Variants in ZNF423 observed in about 807,000 individuals in gnomAD.
ZNF423 encodes the protein zinc finger protein 423.
ZNF423 carries 12 observed loss-of-function variants against 95.8 expected under a neutral mutation model. The ratio of observed to expected loss-of-function variants is 0.13; its 90% confidence interval spans 0.08 to 0.20. The LOEUF (loss-of-function observed/expected upper bound fraction) is 0.20. Ranked by LOEUF, ZNF423 falls within the 10% of genes least tolerant of loss-of-function variation. The probability of loss-of-function intolerance (pLI) is 1.00; values close to 1 mark genes in which losing one functional copy is unlikely to be tolerated. For missense variants in ZNF423, 1,316 were observed against 1,737.1 expected, an observed-to-expected ratio of 0.76 and a Z score of 4.31; for synonymous variants, 749 against 711.9, an observed-to-expected ratio of 1.05 and a Z score of -0.83.
chr16:49,635,709 G>A lies in ZNF423; in HGVS notation c.3467C>T (p.Pro1156Leu), dbSNP rs756742718. The A allele has an allele frequency of 6.6e-5, 106 of 1,604,970 alleles. 3 individuals are homozygous for A. The Middle Eastern group carries it at 2.0e-3, about 30-fold the overall frequency. Residue 1156 changes from proline (P) to leucine (L), a missense_variant, in exon 4 of 8, where the codon CCG becomes CTG. By Grantham distance (98) the Pro-to-Leu change is moderately conservative (BLOSUM62 -3). This residue lies in a region of ZNF423 where 620 missense variants were observed against 775.6 expected (regional missense o/e 0.80). Coordinates refer to ENST00000563137, the MANE Select transcript of ZNF423 (RefSeq NM_001379286.1). The surrounding 1 kb of genome is among the most constrained non-coding windows in gnomAD (Gnocchi z 4.8). ...HMQVDHRDLT[P>L]ETSGPRKGTQ... Reference sequence around the variant, plus strand: ...GCCTTTCCGGGGCCCACTGGTCTCCGGCGTGAGGTCACGGTGGTCCACCTG... The same window carrying A: ...GCCTTTCCGGGGCCCACTGGTCTCCAGCGTGAGGTCACGGTGGTCCACCTG...
At chr16:49,725,154 A>G (rs1291978503) in intron 3 of ZNF423, among the ~76,000 whole-genome samples, 1 of 152,210 alleles carries the variant, frequency 6.6e-6, no homozygotes, top group African/African-American at 2.4e-5. Context: ...AGGCCCAGGC[A>G]GGAGGATTGC....
chr16:49,709,294 G>A lies in ZNF423; in HGVS notation c.301+21477C>T, dbSNP rs189841333. On this transcript the variant is annotated intron_variant, in intron 3 of 7. Coordinates refer to ENST00000563137, the MANE Select transcript of ZNF423 (RefSeq NM_001379286.1). ...CCCAACCATCCCTCGAGGTCAGGAC[G>A]CTGCTGTTCTCAGCAGGTGCCACCC... Among the ~76,000 whole-genome samples the A allele has an allele frequency of 4.0e-5, 6 of 151,828 alleles. No homozygotes were observed. The East Asian group carries it at 9.7e-4, about 25-fold the overall frequency.
chr16:49,586,987 G>T (rs915426082), intron 5 of ZNF423, among the ~76,000 whole-genome samples: 2 of 152,130 alleles, frequency 1.3e-5, no homozygotes, highest in Admixed American at 1.3e-4. Flanking sequence ...ACAATGTCTC[G>T]TTGGTTTTGA....
chr16:49,593,041 T>C (rs1398403073), intron 5 of ZNF423, among the ~76,000 whole-genome samples: 1 of 152,102 alleles, frequency 6.6e-6, no homozygotes, highest in Non-Finnish European at 1.5e-5. Flanking sequence ...CTGATCAAGA[T>C]GGATTTGGAG....
intron 5 of ZNF423, among the ~76,000 whole-genome samples, chr16:49,622,674 AGG>A: frequency 6.6e-6 from 1 of 152,180 alleles, no homozygotes; most frequent in Non-Finnish European, 1.5e-5. Context: ...AGGCCCTGGC[AGG>A]GGCTCCAAAC....
At chr16:49,618,519 C>G (rs970344558) in intron 5 of ZNF423, among the ~76,000 whole-genome samples, 1 of 152,130 alleles carries the variant, frequency 6.6e-6, no homozygotes, top group African/African-American at 2.4e-5. Context: ...AGGTGCTCTT[C>G]CCCCTTTGCT....
intron 3 of ZNF423, among the ~76,000 whole-genome samples, chr16:49,677,250 A>AGAGAAGAGAAGAGAAGAGAAGAGAG (rs2031104524): frequency 6.5e-5 from 2 of 30,928 alleles, no homozygotes; most frequent in African/African-American, 2.3e-4. Flanking sequence ...AGAGAAGATA[A>AGAGAAGAGAAGAGAAGAGAAGAGAG]GAGAAGAGAA....
At chr16:49,766,389 C>T (rs1356283438) in intron 2 of ZNF423, among the ~76,000 whole-genome samples, 1 of 152,222 alleles carries the variant, frequency 6.6e-6, no homozygotes, top group Admixed American at 6.5e-5. Flanking sequence ...CCCAACATCA[C>T]TCCCAGGAAA....
At chr16:49,804,389 A>G (rs2034629851) in intron 1 of ZNF423, among the ~76,000 whole-genome samples, 1 of 152,196 alleles carries the variant, frequency 6.6e-6, no homozygotes, top group Non-Finnish European at 1.5e-5. Context: ...GCTCAAAAGT[A>G]AAGTTCAGAA....
intron 5 of ZNF423, among the ~76,000 whole-genome samples, chr16:49,607,376 T>C (rs1971573722): frequency 6.6e-6 from 1 of 152,236 alleles, no homozygotes; most frequent in African/African-American, 2.4e-5. Flanking sequence ...TAAGGATTCA[T>C]GTTATCAGTA....
At chr16:49,501,173 G>A (rs1003965559) in intron 7 of ZNF423, among the ~76,000 whole-genome samples, 1 of 152,196 alleles carries the variant, frequency 6.6e-6, no homozygotes, top group Admixed American at 6.5e-5. Flanking sequence ...CAAGATTAGA[G>A]TGTGGGTGCT....
chr16:49,621,406 C>T (rs539309083), intron 5 of ZNF423, among the ~76,000 whole-genome samples: 4 of 152,304 alleles, frequency 2.6e-5, no homozygotes, highest in African/African-American at 9.6e-5. Context: ...GAGAGGGGTG[C>T]TGGGAAAATG....
intron 5 of ZNF423, among the ~76,000 whole-genome samples, chr16:49,599,073 C>T (rs1056847892): frequency 4.6e-5 from 7 of 152,218 alleles, no homozygotes; most frequent in Admixed American, 3.3e-4. Flanking sequence ...AAATCCCTCC[C>T]TAACTGTACA....
At chr16:49,633,594 G>A (rs562913558) in intron 4 of ZNF423, among the ~76,000 whole-genome samples, 30 of 152,274 alleles carry the variant, frequency 2.0e-4, no homozygotes, top group African/African-American at 5.8e-4. Flanking sequence ...TCAAATTACC[G>A]CTGGGTCCTG....
intron 2 of ZNF423, chr16:49,731,216 G>C: frequency 1.5e-6 from 1 of 659,670 alleles, no homozygotes; most frequent in Non-Finnish European, 1.9e-6. Context: ...TCTCCCCTCT[G>C]TGCACGGATG....
chr16:49,788,555 C>T (rs1163320638), intron 2 of ZNF423, among the ~76,000 whole-genome samples: 1 of 152,242 alleles, frequency 6.6e-6, no homozygotes, highest in Non-Finnish European at 1.5e-5. Context: ...TCTCTTCCTG[C>T]TTCAGTTTCC....
intron 3 of ZNF423, among the ~76,000 whole-genome samples, chr16:49,695,702 C>G (rs971110291): frequency 3.3e-5 from 5 of 152,270 alleles, no homozygotes; most frequent in Non-Finnish European, 5.9e-5. Context: ...GCCAGGATTA[C>G]AGGCGTGAGC....
At chr16:49,602,596 T>C (rs1041765342) in intron 5 of ZNF423, among the ~76,000 whole-genome samples, 26 of 152,166 alleles carry the variant, frequency 1.7e-4, no homozygotes, top group Non-Finnish European at 2.6e-4. Context: ...AAGTGCCTTC[T>C]GCCCAGGAAA....
In ZNF423 at chr16:49,799,180, G is replaced by A. The variant is rs940370619; in HGVS notation, c.41-9634C>T. Among the ~76,000 whole-genome samples the A allele has an allele frequency of 5.3e-5, 8 of 152,304 alleles. No homozygotes were observed. The South Asian group carries it at 8.3e-4, about 16-fold the overall frequency. The stretch of plus-strand genomic sequence containing the variant: ...TGATCTTCTGTCTCTGTAAAATGGG[G>A]ATAATCAGAATACCAACCTCGCAGG... On this transcript the variant is annotated intron_variant, in intron 1 of 7. Coordinates refer to ENST00000563137, the MANE Select transcript of ZNF423 (RefSeq NM_001379286.1).
Sources: allele counts gnomAD v4.1 joint callset (sites outside exome capture counted in the v4.1 genomes callset), GRCh38; gene constraint gnomAD v4.1.1; regional missense constraint gnomAD v4.1.1; non-coding constraint Gnocchi (gnomAD v3.1); transcripts MANE v1.5; gene names NCBI Gene and HGNC (gene_info 2026-07-23, HGNC 2026-07-21).